MTRF1: variants seen among roughly 807,000 people sequenced by gnomAD.
The protein encoded by MTRF1 is mitochondrial translation release factor 1.
Under a neutral mutation model 62.9 loss-of-function variants are expected in MTRF1, and 51 were observed. The observed-to-expected ratio is 0.81, with a 90% CI of 0.65 to 1.02. MTRF1 has a LOEUF of 1.02. MTRF1 is among the 50% of genes least tolerant of loss of function. The pLI, the probability that MTRF1 is intolerant of heterozygous loss-of-function variation, is 0.00. For missense variants in MTRF1, 446 were observed against 530.0 expected (o/e 0.84, Z 1.56); for synonymous variants, 158 against 181.9 (o/e 0.87, Z 1.06).
rs2040364698 is a variant in MTRF1, at chr13:41,260,853, G to A, written c.55C>T (p.Leu19Phe). ...LFRHPSLNGY[L>F]QCHIQLHSHQ... ...GAATGGAGCTGGATGTGACACTGGA[G>A]GTAACCATTAAGAGATGGATGTCTA... The change falls in exon 2 of 10, where the codon CTC (leucine) becomes TTC (phenylalanine). Residue 19 changes from leucine (L) to phenylalanine (F), a missense_variant. Coordinates refer to ENST00000379480, the MANE Select transcript of MTRF1 (RefSeq NM_004294.4). 6.2e-7 allele frequency: 1 copy of A among 1,613,594 alleles called. No individual in the cohort carries two copies. The highest frequency in any genetic ancestry group is 1.1e-5 in the South Asian group (1 of 91,062).
chr13:41,285,776 C>T, the MTRF1 span, among the ~76,000 whole-genome samples: 2 of 152,066 alleles, frequency 1.3e-5, no homozygotes, highest in Non-Finnish European at 2.9e-5. Context: ...ACACTCACTG[C>T]CTCCAGCCCA....
chr13:41,261,850 T>C (rs2040484200), intron 1 of MTRF1: 1 of 933,192 alleles, frequency 1.1e-6, no homozygotes, highest in Admixed American at 6.2e-5. Context: ...GTTCAAGTAT[T>C]AATAGACCAA....
the MTRF1 span, among the ~76,000 whole-genome samples, chr13:41,292,580 CAAAAAAAA>C: frequency 4.9e-5 from 3 of 61,246 alleles, no homozygotes; most frequent in Non-Finnish European, 9.7e-5. Context: ...GATTCTGTCT[CAAAAAAAA>C]AAAAAAAAAA....
the MTRF1 span, among the ~76,000 whole-genome samples, chr13:41,282,918 G>A: frequency 1.3e-5 from 2 of 152,284 alleles, no homozygotes; most frequent in Non-Finnish European, 2.9e-5. Flanking sequence ...GACTGCCCTT[G>A]GGTCAGTAAA....
At chr13:41,310,472 ACCAT>A in the MTRF1 span, among the ~76,000 whole-genome samples, 1 of 152,144 alleles carries the variant, frequency 6.6e-6, no homozygotes, top group Non-Finnish European at 1.5e-5. Context: ...AGAGATCAAG[ACCAT>A]CCTGGCCAAC....
intron 3 of MTRF1, 125 bp from the exon 4 acceptor site, chr13:41,253,155 G>T: frequency 1.5e-6 from 1 of 663,040 alleles, no homozygotes; most frequent in Non-Finnish European, 2.5e-6. Context: ...CCCAAACAGG[G>T]TATTCCAAAA....
upstream of MTRF1, among the ~76,000 whole-genome samples, chr13:41,265,837 T>C (rs2040829266): frequency 6.6e-6 from 1 of 151,848 alleles, no homozygotes; most frequent in African/African-American, 2.4e-5. Context: ...ACCCAGCTGG[T>C]GGTTTTTTGT....
intron 7 of MTRF1, among the ~76,000 whole-genome samples, chr13:41,228,337 C>T (rs556803639): frequency 1.1e-4 from 17 of 152,124 alleles, no homozygotes; most frequent in South Asian, 2.1e-4. Context: ...GAGGCAAAGG[C>T]GGGTGGATTA....
the MTRF1 span, among the ~76,000 whole-genome samples, chr13:41,308,380 C>T: frequency 0.03 from 4,516 of 152,274 alleles, 114 homozygotes; most frequent in South Asian, 0.11. Flanking sequence ...GCTTGACTGA[C>T]GCACTGAAGG....
At position 41,240,374 on chromosome 13, in the gene MTRF1, A is replaced by T; in HGVS notation, c.757T>A (p.Tyr253Asn). The change falls in exon 6 of 10, where the codon TAT (tyrosine) becomes AAT (asparagine). Residue 253 changes from tyrosine (Y) to asparagine (N), a missense_variant. Tyr to Asn is a moderately radical substitution (Grantham distance 143, BLOSUM62 -2). Coordinates refer to ENST00000379480, the MANE Select transcript of MTRF1 (RefSeq NM_004294.4). ...SGDGVYKHLK[Y>N]EGGIHRVQRI... ...TGAACTCGGTGAATCCCACCCTCAT[A>T]CTTCAAATGCTTATAGACACCGTCA... The T allele has an allele frequency of 6.2e-7, 1 of 1,613,868 alleles. No individual in the cohort carries two copies. The highest frequency in any genetic ancestry group is 1.7e-5 in the Admixed American group (1 of 59,996).
chr13:41,290,377 G>A, the MTRF1 span, among the ~76,000 whole-genome samples: 1 of 114,202 alleles, frequency 8.8e-6, no homozygotes, highest in Non-Finnish European at 1.9e-5. Context: ...GGGATTACAG[G>A]CGTGAGCCAC....
chr13:41,280,746 T>C, the MTRF1 span, among the ~76,000 whole-genome samples: 1 of 152,170 alleles, frequency 6.6e-6, no homozygotes, highest in African/African-American at 2.4e-5. Context: ...TCAGAATAAA[T>C]CTCTTCAAAT....
chr13:41,273,297 G>T, the MTRF1 span, among the ~76,000 whole-genome samples: 3 of 150,630 alleles, frequency 2.0e-5, no homozygotes, highest in Non-Finnish European at 3.0e-5. Context: ...CTGCACTCCA[G>T]CCTGGGCTAC....
the MTRF1 span, among the ~76,000 whole-genome samples, chr13:41,273,226 C>T: frequency 2.4e-4 from 36 of 151,242 alleles, no homozygotes; most frequent in East Asian, 1.6e-3. Context: ...CTCGGGAGCC[C>T]GAGGCAGGAG....
At chr13:41,230,492 G>A (rs537183130) in intron 7 of MTRF1, among the ~76,000 whole-genome samples, 11 of 151,168 alleles carry the variant, frequency 7.3e-5, no homozygotes, top group African/African-American at 2.4e-4. Flanking sequence ...TTGAACTCCC[G>A]ACCTCAGGTG....
chr13:41,290,905 C>T, the MTRF1 span, among the ~76,000 whole-genome samples: 1 of 149,630 alleles, frequency 6.7e-6, no homozygotes, highest in African/African-American at 2.4e-5. Flanking sequence ...CCAGCCTGAC[C>T]AACATGGAGA....
chr13:41,257,671 A>C (rs966921666), intron 2 of MTRF1: 2 of 306,168 alleles, frequency 6.5e-6, no homozygotes, highest in Non-Finnish European at 1.4e-5. Flanking sequence ...GGTTGCACAC[A>C]CCTGTAGTCC....
intron 7 of MTRF1, among the ~76,000 whole-genome samples, chr13:41,231,201 C>T (rs377592842): frequency 6.6e-6 from 1 of 152,142 alleles, no homozygotes; most frequent in Admixed American, 6.5e-5. Flanking sequence ...AGACTTAATT[C>T]CCTGTAGAGG....
At chr13:41,288,925 G>A in the MTRF1 span, among the ~76,000 whole-genome samples, 1 of 152,172 alleles carries the variant, frequency 6.6e-6, no homozygotes, top group Non-Finnish European at 1.5e-5. Context: ...GGAGACAAGA[G>A]CCTTGAAGAT....
Sources: allele counts gnomAD v4.1 joint callset (sites outside exome capture counted in the v4.1 genomes callset), GRCh38; gene constraint gnomAD v4.1.1; transcripts MANE v1.5; gene names NCBI Gene and HGNC (gene_info 2026-07-23, HGNC 2026-07-21).